RNF2: variants seen among roughly 807,000 people sequenced by gnomAD.
The protein encoded by RNF2 is ring finger protein 2.
A neutral mutation model predicts 37.2 loss-of-function variants in RNF2; 6 were observed. The ratio of observed to expected loss-of-function variants is 0.16; its 90% confidence interval spans 0.09 to 0.32. The LOEUF is 0.32. Among genes scored for constraint, RNF2 ranks in the 10% least tolerant of loss-of-function variants. The probability of loss-of-function intolerance (pLI) is 1.00; values close to 1 mark genes in which losing one functional copy is unlikely to be tolerated. For synonymous variants in RNF2, 133 were observed against 132.7 expected, an observed-to-expected ratio of 1.00 and a Z score of -0.02; for missense variants, 251 against 404.0, an observed-to-expected ratio of 0.62 and a Z score of 3.25.
intron 4 of RNF2, among the ~76,000 whole-genome samples, chr1:185,095,951 A>G (rs1453924183): frequency 6.6e-6 from 1 of 152,204 alleles, no homozygotes; most frequent in Non-Finnish European, 1.5e-5. Flanking sequence ...GTAGTATTAT[A>G]GACGTGATTT....
rs370772164 is a variant in RNF2, at chr1:185,081,591, T to TG, written c.-2-5952dup. 0.021 allele frequency among the ~76,000 whole-genome samples: 1,177 copies of TG among 54,856 alleles called. 25 individuals are homozygous for TG. In the East Asian group the frequency reaches 0.29, roughly 13 times the overall value. 36.0% of individuals were successfully genotyped at this position (54,856 alleles called of 152,430 possible). A position where few individuals can be genotyped will look rare whatever the true frequency, so the allele number is the denominator to read the frequency against. ...GTATTTTTAGTAGAGACGGGTGGGG[T>TG]GGGGGGGGGCGGTTTCACCATGTTG... is the stretch of plus-strand genomic sequence containing the variant. On this transcript the variant is annotated intron_variant, in intron 1 of 6. Coordinates refer to ENST00000367510, the MANE Select transcript of RNF2 (RefSeq NM_007212.4).
At chr1:185,049,095 G>C (rs1281665641) in intron 1 of RNF2, among the ~76,000 whole-genome samples, 1 of 152,034 alleles carries the variant, frequency 6.6e-6, no homozygotes, top group African/African-American at 2.4e-5. Context: ...GCATAGTGGC[G>C]CGCGCCTGTA....
intron 1 of RNF2, among the ~76,000 whole-genome samples, chr1:185,085,754 A>G (rs1163413003): frequency 1.3e-5 from 2 of 151,966 alleles, no homozygotes; most frequent in African/African-American, 4.8e-5. Flanking sequence ...CCCGGGTTCA[A>G]GCGATTCTCC....
rs942729103 is a variant in RNF2, at chr1:185,101,658, C to T, written c.*1357C>T. On this transcript the variant is annotated 3_prime_UTR_variant, in exon 7 of 7. Transcript: ENST00000367510. ...AAAGGGTTTTCAATAGGGTGTAGAC[C>T]TCCAGTACCTTTGTAACTAAAGTCT... is the stretch of plus-strand genomic sequence containing the variant. The T allele has an allele frequency of 4.6e-5, 7 of 152,114 alleles. No homozygotes were observed. The highest frequency in any genetic ancestry group is 1.7e-4 in the African/African-American group (7 of 41,392). The allele number at this position is 152,114 out of a possible 1,614,324, so 9.4% of individuals were successfully genotyped here.
At chr1:185,097,554 G>A (rs528593421) in intron 4 of RNF2, among the ~76,000 whole-genome samples, 1 of 152,298 alleles carries the variant, frequency 6.6e-6, no homozygotes, top group Non-Finnish European at 1.5e-5. Context: ...TTATTTTTAA[G>A]AGATAGCGTC....
At chr1:185,057,209 G>A (rs1024946131) in intron 1 of RNF2, among the ~76,000 whole-genome samples, 3 of 152,116 alleles carry the variant, frequency 2.0e-5, no homozygotes, top group African/African-American at 7.2e-5. Flanking sequence ...TACTAGGCAG[G>A]CTGATGTGGG....
intron 1 of RNF2, among the ~76,000 whole-genome samples, chr1:185,085,493 G>A (rs775503229): frequency 1.6e-4 from 25 of 151,742 alleles, no homozygotes; most frequent in Non-Finnish European, 3.1e-4. Flanking sequence ...CTCTAATTCC[G>A]TCTCTGTGTC....
At chr1:185,097,007 G>A (rs1341589809) in intron 4 of RNF2, among the ~76,000 whole-genome samples, 2 of 151,948 alleles carry the variant, frequency 1.3e-5, no homozygotes, top group African/African-American at 4.8e-5. Flanking sequence ...TACAGGTAGG[G>A]AGACAGGCAG....
intron 5 of RNF2, 91 bp downstream of exon 5, chr1:185,098,435 T>C (rs1651977388): frequency 1.4e-6 from 2 of 1,422,052 alleles, no homozygotes; most frequent in African/African-American, 2.8e-5. Flanking sequence ...AGGAGCAATA[T>C]TTGTCATCCC....
chr1:185,093,549 A>T (rs1434675614), intron 4 of RNF2, among the ~76,000 whole-genome samples: 1 of 152,004 alleles, frequency 6.6e-6, no homozygotes, highest in Non-Finnish European at 1.5e-5. Context: ...TTCTTTTCCT[A>T]TTCTTTTATG....
intron 1 of RNF2, among the ~76,000 whole-genome samples, chr1:185,073,494 T>C (rs1651049140): frequency 6.6e-6 from 1 of 152,248 alleles, no homozygotes; most frequent in Non-Finnish European, 1.5e-5. Context: ...TCTGTTCTTT[T>C]AGTGTATTCT....
intron 2 of RNF2, among the ~76,000 whole-genome samples, chr1:185,091,063 G>A (rs1405089499): frequency 6.6e-6 from 1 of 152,156 alleles, no homozygotes; most frequent in Admixed American, 6.5e-5. Flanking sequence ...CTATTAAGCT[G>A]TTTATAAACT....
At chr1:185,093,414 A>C in intron 4 of RNF2, 138 bp downstream of exon 4, 3 of 694,842 alleles carry the variant, frequency 4.3e-6, no homozygotes, top group Non-Finnish European at 7.4e-6. Flanking sequence ...GGTATAATAC[A>C]TGCCTCCAGG....
At chr1:185,071,439 T>A (rs1650970166) in intron 1 of RNF2, 1 of 152,240 alleles carries the variant, frequency 6.6e-6, no homozygotes, top group Non-Finnish European at 1.5e-5. Context: ...ATGTCTTGGT[T>A]GTGAAATTAC....
At chr1:185,049,683 G>A (rs76599420) in intron 1 of RNF2, among the ~76,000 whole-genome samples, 1 of 148,908 alleles carries the variant, frequency 6.7e-6, no homozygotes, top group Admixed American at 6.7e-5. Flanking sequence ...AAAAAAAAAA[G>A]CGGGGGAGGG....
At chr1:185,096,018 G>A (rs1398491474) in intron 4 of RNF2, among the ~76,000 whole-genome samples, 1 of 152,040 alleles carries the variant, frequency 6.6e-6, no homozygotes, top group Non-Finnish European at 1.5e-5. Flanking sequence ...TTCTTTAAAC[G>A]CTGCCTGCAG....
At chr1:185,059,563 G>A (rs1316500539) in intron 1 of RNF2, among the ~76,000 whole-genome samples, 1 of 152,050 alleles carries the variant, frequency 6.6e-6, no homozygotes. Context: ...TATATTTAAC[G>A]ACTGGAAAAG....
In RNF2 at chr1:185,098,353, G is replaced by T; in HGVS notation, c.737+9G>T. ...GACAGTGCACAGACGAGGTAAGTGT[G>T]TGGATTAGTTTCAGATTATCTAAAT... On this transcript the variant is annotated intron_variant, in intron 5 of 6. Coordinates refer to ENST00000367510, the MANE Select transcript of RNF2 (RefSeq NM_007212.4). 6.2e-7 allele frequency: 1 copy of T among 1,610,484 alleles called. No individual in the cohort carries two copies. The highest frequency in any genetic ancestry group is 8.5e-7 in the Non-Finnish European group (1 of 1,177,272).
At chr1:185,057,105 C>T (rs1229952725) in intron 1 of RNF2, among the ~76,000 whole-genome samples, 2 of 151,982 alleles carry the variant, frequency 1.3e-5, no homozygotes, top group Non-Finnish European at 2.9e-5. Context: ...ACTAGGAGTT[C>T]AAGACCAGCC....
Sources: gnomAD v4.1 joint callset for allele counts (sites outside exome capture counted in the v4.1 genomes callset) on GRCh38, gnomAD v4.1.1 for gene constraint, MANE v1.5 for transcripts, NCBI Gene and HGNC (gene_info 2026-07-23, HGNC 2026-07-21) for gene names.